The following UBXN7 variants were observed in gnomAD, a reference collection of about 807,000 sequenced individuals.
UBXN7 encodes the protein UBX domain protein 7, also known as UBX domain-containing protein 7.
In UBXN7, 9 loss-of-function variants were observed where a neutral mutation model predicts 58.0. The observed-to-expected ratio is 0.16, with a 90% CI of 0.09 to 0.27. The LOEUF (loss-of-function observed/expected upper bound fraction) is 0.27, where lower values mean the gene tolerates loss of function less well. Ranked by LOEUF, UBXN7 falls within the 10% of genes least tolerant of loss-of-function variation. UBXN7 has a pLI of 1.00. For synonymous variants in UBXN7, 208 were observed against 205.0 expected (o/e 1.01, Z -0.12); for missense variants, 328 against 599.6 (o/e 0.55, Z 4.73).
intron 1 of UBXN7, among the ~76,000 whole-genome samples, chr3:196,417,491 C>T (rs905343956): frequency 3.3e-5 from 5 of 151,930 alleles, no homozygotes; most frequent in African/African-American, 7.3e-5. Flanking sequence ...AACCTGGGTT[C>T]GACCTTCTAC....
intron 5 of UBXN7, among the ~76,000 whole-genome samples, chr3:196,380,186 C>T (rs1577446718): frequency 6.6e-6 from 1 of 150,470 alleles, no homozygotes; most frequent in African/African-American, 2.4e-5. Context: ...GGAGGTGGAG[C>T]GTGCAGTGAG....
chr3:196,393,854 T>G (rs371630332), intron 3 of UBXN7: 8 of 300,064 alleles, frequency 2.7e-5, no homozygotes, highest in East Asian at 1.1e-4. Context: ...ATATGGTGCC[T>G]TCCCTCAAAA....
intron 1 of UBXN7, among the ~76,000 whole-genome samples, chr3:196,419,321 T>TAAATAAAC (rs139881636): frequency 0.029 from 4,330 of 150,176 alleles, 72 homozygotes; most frequent in South Asian, 0.064. Context: ...AATAAATAAA[T>TAAATAAAC]AAACAATGTG....
intron 5 of UBXN7, among the ~76,000 whole-genome samples, chr3:196,387,988 G>C (rs1042401933): frequency 3.3e-5 from 5 of 152,044 alleles, no homozygotes; most frequent in African/African-American, 1.2e-4. Flanking sequence ...AAAGACACAT[G>C]CACACGTATG....
chr3:196,392,002 A>C, intron 4 of UBXN7, 77 bp from the exon 5 acceptor site: 1 of 829,158 alleles, frequency 1.2e-6, no homozygotes, highest in Non-Finnish European at 1.8e-6. Flanking sequence ...AAAAAACACA[A>C]ACTTCTGTCA....
chr3:196,361,046 C>T (rs150585904), intron 10 of UBXN7, among the ~76,000 whole-genome samples: 3 of 152,204 alleles, frequency 2.0e-5, no homozygotes, highest in Middle Eastern at 3.4e-3. Context: ...AAGGATTCAG[C>T]AGTCTAAATA....
In UBXN7 at chr3:196,367,976, C is replaced by T. The variant is rs1396775248; in HGVS notation, c.834+52G>A. ...AACATCGAACATTTTATATAAGATG[C>T]TTATGACCAATTACATTTATTTTCC... On this transcript the variant is annotated intron_variant, in intron 8 of 10. Coordinates refer to ENST00000296328, the MANE Select transcript of UBXN7 (RefSeq NM_015562.2). 1.0e-5 allele frequency: 16 copies of T among 1,591,440 alleles called. No individual in the cohort carries two copies. The East Asian group carries it at 2.7e-4, about 27-fold the overall frequency.
intron 1 of UBXN7, among the ~76,000 whole-genome samples, chr3:196,428,115 T>A (rs1441077916): frequency 6.9e-6 from 1 of 145,360 alleles, no homozygotes; most frequent in Non-Finnish European, 1.5e-5. Flanking sequence ...CGGAGTGAAA[T>A]TCTGTCGAAA....
chr3:196,430,669 G>GT (rs1205249374), intron 1 of UBXN7, among the ~76,000 whole-genome samples: 1 of 152,026 alleles, frequency 6.6e-6, no homozygotes, highest in African/African-American at 2.4e-5. Context: ...GATTACAGGC[G>GT]TGAGACACCG....
At chr3:196,390,532 G>A (rs995138780) in intron 5 of UBXN7, among the ~76,000 whole-genome samples, 1 of 152,104 alleles carries the variant, frequency 6.6e-6, no homozygotes, top group Non-Finnish European at 1.5e-5. Context: ...ATGAGGTCAG[G>A]AGTTTGAGAC....
intron 5 of UBXN7, among the ~76,000 whole-genome samples, chr3:196,381,518 G>A (rs914066959): frequency 3.9e-5 from 6 of 152,280 alleles, no homozygotes; most frequent in East Asian, 1.9e-4. Flanking sequence ...AGATAAAACC[G>A]CAAAGATGGG....
rs1482437381 is a variant in UBXN7 at position 196,401,767 on chromosome 3, T to TAA, written c.289+1184_289+1185insTT. ...AACATAGCAAGACTCCATCTCTATT[T>TAA]TAAAAAAAAAAAAAAAAAAAAAGTA... On this transcript the variant is annotated intron_variant, in intron 3 of 10. Transcript: ENST00000296328. Among the ~76,000 whole-genome samples, 18 of 82,030 alleles carry TAA rather than the reference T, an allele frequency of 2.2e-4. 1 individual carries two copies. Among genetic ancestry groups the TAA allele is most frequent in the African/African-American group, 7.4e-4 (18 of 24,228 alleles). 53.8% of individuals were successfully genotyped at this position (82,030 alleles called of 152,430 possible).
chr3:196,385,396 G>A (rs538820349), intron 5 of UBXN7, among the ~76,000 whole-genome samples: 8 of 152,142 alleles, frequency 5.3e-5, no homozygotes, highest in South Asian at 2.1e-4. Flanking sequence ...CCAAAGTGCC[G>A]AGATTGCAGC....
intron 5 of UBXN7, among the ~76,000 whole-genome samples, chr3:196,390,721 C>T (rs972529077): frequency 6.8e-6 from 1 of 146,438 alleles, no homozygotes; most frequent in African/African-American, 2.5e-5. Flanking sequence ...GGCGAGACTC[C>T]ATCTCAAGGA....
chr3:196,396,999 ACTTCTT>A (rs2108848693), intron 3 of UBXN7, among the ~76,000 whole-genome samples: 1 of 152,022 alleles, frequency 6.6e-6, no homozygotes, highest in South Asian at 2.1e-4. Context: ...AATTCCTTTT[ACTTCTT>A]GGGCTAATAA....
At chr3:196,424,351 T>A (rs991944483) in intron 1 of UBXN7, among the ~76,000 whole-genome samples, 1 of 150,480 alleles carries the variant, frequency 6.6e-6, no homozygotes, top group African/African-American at 2.4e-5. Flanking sequence ...CTACACTCCC[T>A]CCTGCAAGAT....
chr3:196,395,170 A>T (rs936776646), intron 3 of UBXN7, among the ~76,000 whole-genome samples: 1 of 152,232 alleles, frequency 6.6e-6, no homozygotes, highest in Non-Finnish European at 1.5e-5. Flanking sequence ...TAGTATCAAG[A>T]TTAGACAGAG....
intron 6 of UBXN7, among the ~76,000 whole-genome samples, chr3:196,369,967 C>T (rs1396596384): frequency 6.6e-6 from 1 of 151,930 alleles, no homozygotes; most frequent in Non-Finnish European, 1.5e-5. Flanking sequence ...CCCGTCTCTA[C>T]TAAAATACAA....
At chr3:196,386,084 C>G (rs964545458) in intron 5 of UBXN7, among the ~76,000 whole-genome samples, 7 of 151,980 alleles carry the variant, frequency 4.6e-5, no homozygotes, top group African/African-American at 1.7e-4. Flanking sequence ...TACCCCCAAC[C>G]CCATGCTCTC....
Sources: gnomAD v4.1 joint callset for allele counts (sites outside exome capture counted in the v4.1 genomes callset) on GRCh38, gnomAD v4.1.1 for gene constraint, MANE v1.5 for transcripts, NCBI Gene and HGNC (gene_info 2026-07-23, HGNC 2026-07-21) for gene names.